The following SORCS2 variants were observed in gnomAD, a reference collection of about 807,000 sequenced individuals.
SORCS2 encodes sortilin related VPS10 domain containing receptor 2.
Under a neutral mutation model 141.6 loss-of-function variants are expected in SORCS2, and 100 were observed. That is an observed-to-expected ratio of 0.71 (90% CI 0.60 to 0.83). The LOEUF is 0.83. Among genes scored for constraint, SORCS2 ranks in the 40% least tolerant of loss-of-function variants. The pLI is 0.00. For synonymous variants in SORCS2, 789 were observed against 676.9 expected, an observed-to-expected ratio of 1.17 and a Z score of -2.57; for missense variants, 1,646 against 1,560.2, an observed-to-expected ratio of 1.05 and a Z score of -0.93.
At chr4:7,375,976 A>G (rs1403154370) in intron 1 of SORCS2, among the ~76,000 whole-genome samples, 1 of 152,212 alleles carries the variant, frequency 6.6e-6, no homozygotes, top group Non-Finnish European at 1.5e-5. Flanking sequence ...TGGAGATTAA[A>G]TGAGGTGAAT....
rs114140989 is a variant in SORCS2, at chr4:7,329,402, C to G, written c.481-66886C>G. ...CACCCATGGAGGACACCTCCCGGGC[C>G]AGCCACCCTGAGCCACGGTGGCAAT... is the stretch of plus-strand genomic sequence containing the variant. On this transcript the variant is annotated intron_variant, in intron 1 of 26. Coordinates refer to ENST00000507866, the MANE Select transcript of SORCS2 (RefSeq NM_020777.3). Among the ~76,000 whole-genome samples, 301 of 152,314 alleles carry G rather than the reference C, an allele frequency of 2.0e-3. 1 individual carries two copies. The Middle Eastern group carries it at 0.031, about 15-fold the overall frequency.
intron 1 of SORCS2, among the ~76,000 whole-genome samples, chr4:7,323,205 A>G (rs1560191828): frequency 6.6e-6 from 1 of 152,248 alleles, no homozygotes; most frequent in South Asian, 2.1e-4. Flanking sequence ...GGGAATTAGC[A>G]CAAAGAGCAC....
intron 2 of SORCS2, among the ~76,000 whole-genome samples, chr4:7,487,019 G>T (rs572053080): frequency 6.6e-6 from 1 of 152,196 alleles, no homozygotes; most frequent in African/African-American, 2.4e-5. Context: ...GGCTGCATTT[G>T]CAGGCTGCCT....
intron 1 of SORCS2, among the ~76,000 whole-genome samples, chr4:7,246,145 A>G (rs1317926107): frequency 6.6e-6 from 1 of 152,208 alleles, no homozygotes; most frequent in Non-Finnish European, 1.5e-5. Flanking sequence ...CTGGGTGAGT[A>G]CTGACAGCAG....
intron 1 of SORCS2, among the ~76,000 whole-genome samples, chr4:7,287,114 C>A (rs1035655455): frequency 6.6e-6 from 1 of 152,178 alleles, no homozygotes; most frequent in African/African-American, 2.4e-5. Flanking sequence ...TCCCTGAGGG[C>A]AGGATTTGGG....
chr4:7,388,845 C>A (rs1483885585), intron 1 of SORCS2, among the ~76,000 whole-genome samples: 2 of 152,138 alleles, frequency 1.3e-5, no homozygotes, highest in Non-Finnish European at 2.9e-5. Flanking sequence ...CCCCGGCGAT[C>A]CCCCCAGGCC....
At chr4:7,241,662 A>T (rs1371834963) in intron 1 of SORCS2, among the ~76,000 whole-genome samples, 1 of 152,074 alleles carries the variant, frequency 6.6e-6, no homozygotes, top group Admixed American at 6.5e-5. Context: ...CGCACTGAGA[A>T]CTCTGACAGT....
At chr4:7,685,007 C>G (rs976399751) in intron 10 of SORCS2, among the ~76,000 whole-genome samples, 1 of 152,208 alleles carries the variant, frequency 6.6e-6, no homozygotes, top group African/African-American at 2.4e-5. Context: ...GCCGGCTGCC[C>G]GCCTCTGCTC....
chr4:7,403,102 A>G (rs550513429), intron 2 of SORCS2, among the ~76,000 whole-genome samples: 1 of 152,226 alleles, frequency 6.6e-6, no homozygotes, highest in South Asian at 2.1e-4. Context: ...TCGAAGTGCA[A>G]TTGTTAGAAT....
chr4:7,370,543 G>A (rs1296607898), intron 1 of SORCS2, among the ~76,000 whole-genome samples: 4 of 152,254 alleles, frequency 2.6e-5, no homozygotes, highest in Non-Finnish European at 5.9e-5. Context: ...TTGGCAGCTT[G>A]GCTGACTAAT....
intron 1 of SORCS2, among the ~76,000 whole-genome samples, chr4:7,352,964 T>C (rs1721034613): frequency 6.6e-6 from 1 of 152,186 alleles, no homozygotes; most frequent in Non-Finnish European, 1.5e-5. Flanking sequence ...TACTCTCCTT[T>C]CCAGATTAGG....
intron 1 of SORCS2, among the ~76,000 whole-genome samples, chr4:7,384,808 C>T (rs1723194834): frequency 6.6e-6 from 1 of 152,222 alleles, no homozygotes; most frequent in Non-Finnish European, 1.5e-5. Context: ...GCACAGCAGG[C>T]ACGGGCACGT....
intron 2 of SORCS2, among the ~76,000 whole-genome samples, chr4:7,441,497 C>T (rs1727663035): frequency 6.6e-6 from 1 of 151,986 alleles, no homozygotes; most frequent in African/African-American, 2.4e-5. Flanking sequence ...GGGCAGGGTG[C>T]AGGGGAGGCG....
rs188374424 is a variant in SORCS2 at position 7,319,769 on chromosome 4, A to C, written c.481-76519A>C. On this transcript the variant is annotated intron_variant, in intron 1 of 26. Coordinates refer to ENST00000507866, the MANE Select transcript of SORCS2 (RefSeq NM_020777.3). Reference sequence around the variant, plus strand: ...CTAAAATCTGGAATGGCTTCTTTAAAAATATAGAAGTTTTGCTGTCACTGG... The same window carrying C: ...CTAAAATCTGGAATGGCTTCTTTAACAATATAGAAGTTTTGCTGTCACTGG... Among the ~76,000 whole-genome samples, 6 of 152,344 alleles carry C rather than the reference A, an allele frequency of 3.9e-5. No individual in the cohort carries two copies. The East Asian group carries it at 1.2e-3, about 29-fold the overall frequency.
At chr4:7,540,803 A>AGAG (rs1712585077) in intron 3 of SORCS2, among the ~76,000 whole-genome samples, 1 of 152,148 alleles carries the variant, frequency 6.6e-6, no homozygotes, top group South Asian at 2.1e-4. Flanking sequence ...CCGGGTGTGA[A>AGAG]GTGGGGATGA....
At position 7,465,963 on chromosome 4, in the gene SORCS2, A is replaced by G. The variant is rs117355869; in HGVS notation, c.549-65567A>G. Among the ~76,000 whole-genome samples the G allele has an allele frequency of 3.7e-3, 556 of 152,174 alleles. 7 individuals are homozygous for G. The highest frequency in any genetic ancestry group is 0.024 in the Admixed American group (367 of 15,292). ...CCATGCAAGGCAGAAGGCCTGGGGC[A>G]GGGGCAGGGCCAGGGTGGGAACCCA... On this transcript the variant is annotated intron_variant, in intron 2 of 26. Transcript: ENST00000507866.
At chr4:7,399,023 AG>A (rs1293417386) in intron 2 of SORCS2, among the ~76,000 whole-genome samples, 1 of 152,024 alleles carries the variant, frequency 6.6e-6, no homozygotes, top group African/African-American at 2.4e-5. Flanking sequence ...GGAGGAGCTG[AG>A]GGCAGGAAGG....
At chr4:7,267,559 C>T (rs548167254) in intron 1 of SORCS2, among the ~76,000 whole-genome samples, 2 of 152,160 alleles carry the variant, frequency 1.3e-5, no homozygotes, top group Non-Finnish European at 2.9e-5. Context: ...AGCCAGGCAC[C>T]GTGGCTCATG....
At chr4:7,645,062 G>A (rs1438087277) in intron 4 of SORCS2, among the ~76,000 whole-genome samples, 2 of 152,244 alleles carry the variant, frequency 1.3e-5, no homozygotes, top group Non-Finnish European at 2.9e-5. Context: ...GCATGAGGCA[G>A]TGATGCCAAT....
Sources: gnomAD v4.1 joint callset for allele counts (sites outside exome capture counted in the v4.1 genomes callset) on GRCh38, gnomAD v4.1.1 for gene constraint, MANE v1.5 for transcripts, NCBI Gene and HGNC (gene_info 2026-07-23, HGNC 2026-07-21) for gene names.